PIK3IP1: variants seen among roughly 807,000 people sequenced by gnomAD.
PIK3IP1 encodes the protein phosphoinositide-3-kinase-interacting protein 1.
A neutral mutation model predicts 30.7 loss-of-function variants in PIK3IP1; 28 were observed. The ratio of observed to expected loss-of-function variants is 0.91; its 90% CI spans 0.68 to 1.25. The LOEUF (loss-of-function observed/expected upper bound fraction) is 1.25, where lower values mean the gene tolerates loss of function less well. Among genes scored for constraint, PIK3IP1 ranks in the 50% most tolerant of loss-of-function variants. PIK3IP1 has a pLI of 0.00. For synonymous variants in PIK3IP1, 159 were observed against 140.8 expected, an observed-to-expected ratio of 1.13 and a Z score of -0.91; for missense variants, 333 against 346.2, an observed-to-expected ratio of 0.96 and a Z score of 0.30.
chr22:31,285,521 G>C (rs1219601815), intron 5 of PIK3IP1, among the ~76,000 whole-genome samples: 1 of 152,104 alleles, frequency 6.6e-6, no homozygotes. Context: ...AAATAGAGTT[G>C]GGAGTATCAC....
chr22:31,282,190 C>T lies in PIK3IP1; in HGVS notation c.*894G>A, dbSNP rs2049095136. The T allele has an allele frequency of 6.6e-6, 1 of 152,246 alleles. No individual in the cohort carries two copies. The highest frequency in any genetic ancestry group is 1.5e-5 in the Non-Finnish European group (1 of 68,064). 9.4% of individuals were successfully genotyped at this position (152,246 alleles called of 1,614,324 possible). A position where few individuals can be genotyped will look rare whatever the true frequency, so the allele number is the denominator to read the frequency against. On this transcript the variant is annotated 3_prime_UTR_variant, in exon 6 of 6. Coordinates refer to ENST00000215912, the MANE Select transcript of PIK3IP1 (RefSeq NM_052880.5). ...CACTTGGGGAGCAAGCCCTGAAGTG[C>T]TTTATTACCTTGCCTCTGAGCTTAG...
chr22:31,290,609 G>A, intron 3 of PIK3IP1: 1 of 207,478 alleles, frequency 4.8e-6, no homozygotes, highest in Non-Finnish European at 9.6e-6. Flanking sequence ...GGGAGGTTGG[G>A]GAGCTGGGGT....
chr22:31,291,114 G>C, intron 2 of PIK3IP1, 30 bp from the exon 3 acceptor site: 2 of 1,543,654 alleles, frequency 1.3e-6, no homozygotes, highest in South Asian at 1.2e-5. Flanking sequence ...AATGTGTGCC[G>C]GGGCTGGCAC....
chr22:31,290,807 C>G, intron 3 of PIK3IP1, 158 bp downstream of exon 3: 1 of 1,147,494 alleles, frequency 8.7e-7, no homozygotes, highest in Non-Finnish European at 1.2e-6. Context: ...GGCCAATAGG[C>G]TTTGAGCCCC....
chr22:31,283,587 CAG>C (rs971599977), intron 5 of PIK3IP1, among the ~76,000 whole-genome samples: 8 of 151,702 alleles, frequency 5.3e-5, no homozygotes, highest in African/African-American at 1.7e-4. Context: ...AAGTAAAGGA[CAG>C]AGACTTTTTT....
rs56219519 is a variant in PIK3IP1, at chr22:31,284,557, A to G, written c.588-1269T>C. ...CTTGGGTGACCTTTGAGAGGCCACTAGGCCTGCTACACTGACCATCAGGCA... is the reference window on the plus strand; with the variant it reads ...CTTGGGTGACCTTTGAGAGGCCACTGGGCCTGCTACACTGACCATCAGGCA... On this transcript the variant is annotated intron_variant, in intron 5 of 5. Transcript: ENST00000215912. Among the ~76,000 whole-genome samples the G allele has an allele frequency of 6.6e-3, 1,004 of 152,142 alleles. 4 individuals are homozygous for G. The highest frequency in any genetic ancestry group is 0.012 in the Non-Finnish European group (807 of 67,986).
chr22:31,283,077 G>T lies in PIK3IP1; in HGVS notation c.*7C>A, dbSNP rs745313722. The T allele has an allele frequency of 1.0e-4, 166 of 1,581,816 alleles. No homozygotes were observed. Among genetic ancestry groups the T allele is most frequent in the East Asian group, 9.1e-4 (40 of 43,920 alleles). ...TGTCTGCATGGGCTCCTGCCCACTGGGGGGGCTCAGGCCCCAGGAGTCCCG... is the reference window on the plus strand; with the variant it reads ...TGTCTGCATGGGCTCCTGCCCACTGTGGGGGCTCAGGCCCCAGGAGTCCCG... On this transcript the variant is annotated 3_prime_UTR_variant, in exon 6 of 6. Transcript: ENST00000215912.
chr22:31,289,854 TCAGGCCTGA>T (rs2049160251), intron 3 of PIK3IP1, 155 bp from the exon 4 acceptor site: 4 of 772,428 alleles, frequency 5.2e-6, no homozygotes, highest in Non-Finnish European at 8.3e-6. Flanking sequence ...AGAGGTAAGA[TCAGGCCTGA>T]GAGGGCTGAA....
At chr22:31,286,241 G>A (rs1333336451) in intron 5 of PIK3IP1, among the ~76,000 whole-genome samples, 2 of 152,146 alleles carry the variant, frequency 1.3e-5, no homozygotes, top group Non-Finnish European at 2.9e-5. Context: ...CTGCTATTGT[G>A]ATTATTACCT....
At chr22:31,288,892 T>C in intron 5 of PIK3IP1, 1 of 296,636 alleles carries the variant, frequency 3.4e-6, no homozygotes, top group Admixed American at 4.8e-5. Flanking sequence ...ATTTTATAAC[T>C]CACAGAAAGA....
rs746929609 is a variant in PIK3IP1 at position 31,282,973 on chromosome 22, G to T, written c.*111C>A. The T allele has an allele frequency of 1.6e-5, 13 of 811,096 alleles. No individual in the cohort carries two copies. In the African/African-American group the frequency reaches 2.1e-4, roughly 13 times the overall value. The allele number at this position is 811,096 out of a possible 1,614,324, so 50.2% of individuals were successfully genotyped here. On this transcript the variant is annotated 3_prime_UTR_variant, in exon 6 of 6. Coordinates refer to ENST00000215912, the MANE Select transcript of PIK3IP1 (RefSeq NM_052880.5). ...TCTTACTAGGATTCGCCAAAAAAGC[G>T]GGGGAGTGGTAGGGTTTTAACCAGA... is the stretch of plus-strand genomic sequence containing the variant.
intron 5 of PIK3IP1, 146 bp downstream of exon 5, chr22:31,289,169 T>G (rs1295198349): frequency 1.3e-6 from 1 of 763,348 alleles, no homozygotes; most frequent in Admixed American, 2.4e-5. Flanking sequence ...TTGTCCAAGG[T>G]CAGCAGATAA....
rs573985305 is a variant in PIK3IP1 at position 31,283,085 on chromosome 22, C to T, written c.791G>A (p.Ter264=). 17 of 1,589,486 alleles carry T rather than the reference C, an allele frequency of 1.1e-5. No homozygotes were observed. The highest frequency in any genetic ancestry group is 1.4e-5 in the Non-Finnish European group (16 of 1,167,724). The change falls in exon 6 of 6, where the codon TGA becomes TAA. Residue 264 remains the stop codon, a stop_retained_variant. Coordinates refer to ENST00000215912, the MANE Select transcript of PIK3IP1 (RefSeq NM_052880.5). ...TGGGCTCCTGCCCACTGGGGGGGCT[C>T]AGGCCCCAGGAGTCCCGGCCTGGCC... ...LMGQAGTPGA[*] is the part of the protein sequence containing the mutation.
Position 31,289,355 on chromosome 22 carries a change from CA to C in PIK3IP1, c.546del (p.Ile182MetfsTer19), listed in dbSNP as rs1398707738. The C allele has an allele frequency of 1.9e-6, 3 of 1,613,316 alleles. No homozygotes were observed. The highest frequency in any genetic ancestry group is 2.5e-6 in the Non-Finnish European group (3 of 1,179,700). The part of the protein sequence containing the change: ...VLGITMMVII[I>X]AIGAGIILGY... ...CCCAAGATGATGCCAGCTCCGATGG[CA>C]ATGATGATCACCATCATGGTAATGC... On this transcript the variant is annotated frameshift_variant, in exon 5 of 6. Coordinates refer to ENST00000215912, the MANE Select transcript of PIK3IP1 (RefSeq NM_052880.5). LOFTEE classifies it high-confidence loss of function.
Position 31,283,369 on chromosome 22 carries a change from G to T in PIK3IP1, c.588-81C>A. ...CATTAGATAGCATCCCTGAGGCTCA[G>T]CAAGAGCAGCAGCTTGCCATTGTCA... is the stretch of plus-strand genomic sequence containing the variant. On this transcript the variant is annotated intron_variant, in intron 5 of 5. Transcript: ENST00000215912. 2.1e-6 allele frequency: 3 copies of T among 1,427,860 alleles called. No homozygotes were observed. The East Asian group carries it at 7.0e-5, about 33-fold the overall frequency. The allele number at this position is 1,427,860 out of a possible 1,614,324, so 88.4% of individuals were successfully genotyped here. A position where few individuals can be genotyped will look rare whatever the true frequency, so the allele number is the denominator to read the frequency against.
chr22:31,289,855 C>G (rs2049160232), intron 3 of PIK3IP1, 156 bp from the exon 4 acceptor site: 2 of 763,330 alleles, frequency 2.6e-6, no homozygotes, highest in African/African-American at 3.5e-5. Context: ...GAGGTAAGAT[C>G]AGGCCTGAGA....
chr22:31,284,638 G>A (rs2239905), intron 5 of PIK3IP1, among the ~76,000 whole-genome samples: 13,066 of 152,194 alleles, frequency 0.086, 865 homozygotes, highest in East Asian at 0.4. Context: ...GGTGTTGTGT[G>A]GCAGCCAAGA....
chr22:31,290,732 A>T, intron 3 of PIK3IP1: 1 of 553,008 alleles, frequency 1.8e-6, no homozygotes. Context: ...GCCTCACCCC[A>T]GCCTCGCCCC....
At position 31,283,019 on chromosome 22, in the gene PIK3IP1, C is replaced by T. The variant is rs575954475; in HGVS notation, c.*65G>A. 12 of 1,312,570 alleles carry T rather than the reference C, an allele frequency of 9.1e-6. No homozygotes were observed. In the African/African-American group the frequency reaches 1.6e-4, roughly 18 times the overall value. The allele number at this position is 1,312,570 out of a possible 1,614,324, so 81.3% of individuals were successfully genotyped here. The stretch of plus-strand genomic sequence containing the variant: ...CCAGAACACAAAGTGGTAGTTCCTC[C>T]TAGCTGTAGGAGGGTGGGCTGTCCT... On this transcript the variant is annotated 3_prime_UTR_variant, in exon 6 of 6. Transcript: ENST00000215912.
Sources: allele counts gnomAD v4.1 joint callset (sites outside exome capture counted in the v4.1 genomes callset), GRCh38; gene constraint gnomAD v4.1.1; transcripts MANE v1.5; gene names NCBI Gene and HGNC (gene_info 2026-07-23, HGNC 2026-07-21).